Variants in TBC1D1 observed in about 807,000 individuals in gnomAD.
The protein encoded by TBC1D1 is TBC1 domain family member 1.
In TBC1D1, 89 loss-of-function variants were observed where a neutral mutation model predicts 125.6. The ratio of observed to expected loss-of-function variants is 0.71; its 90% CI spans 0.60 to 0.85. The LOEUF is 0.85. Ranked by LOEUF, TBC1D1 falls within the 40% of genes least tolerant of loss-of-function variation. The pLI is 0.00. For missense variants in TBC1D1, 1,377 were observed against 1,469.2 expected, an observed-to-expected ratio of 0.94 and a Z score of 1.03; for synonymous variants, 565 against 564.1, an observed-to-expected ratio of 1.00 and a Z score of -0.02.
At position 38,133,100 on chromosome 4, in the gene TBC1D1, T is replaced by A. The variant is rs1353501227; in HGVS notation, c.3149T>A (p.Ile1050Asn). ...CTATAACAGGTATTTGAAATGGACA[T>A]CGCTAAACAGTTACAAGCTTATGAA... Residue 1050 changes from isoleucine to asparagine, a missense_variant, in exon 19 of 20, where the codon ATC (isoleucine) becomes AAC (asparagine). Transcript: ENST00000261439. 6.2e-7 allele frequency: 1 copy of A among 1,613,322 alleles called. No homozygotes were observed. The highest frequency in any genetic ancestry group is 8.5e-7 in the Non-Finnish European group (1 of 1,179,760).
In TBC1D1 at chr4:37,902,191, T is replaced by A; in HGVS notation, c.96T>A (p.His32Gln). The A allele has an allele frequency of 6.2e-7, 1 of 1,614,068 alleles. No homozygotes were observed. Among genetic ancestry groups the A allele is most frequent in the South Asian group, 1.1e-5 (1 of 91,066 alleles). Reference sequence around the variant, plus strand: ...AGCTGGTGGGCTCCCTGCCTGTGCATTCCCTGACCACCATGCCCATGCTGC... The same window carrying A: ...AGCTGGTGGGCTCCCTGCCTGTGCAATCCCTGACCACCATGCCCATGCTGC... The change falls in exon 2 of 20, where the codon CAT becomes CAA. Residue 32 changes from histidine to glutamine, a missense_variant. Coordinates refer to ENST00000261439, the MANE Select transcript of TBC1D1 (RefSeq NM_015173.4).
At chr4:38,060,306 C>T (rs886957778) in intron 12 of TBC1D1, among the ~76,000 whole-genome samples, 3 of 152,190 alleles carry the variant, frequency 2.0e-5, no homozygotes, top group Non-Finnish European at 4.4e-5. Context: ...GCCACACCAT[C>T]TTCTACAATG....
At chr4:38,082,609 A>G (rs1040315240) in intron 12 of TBC1D1, among the ~76,000 whole-genome samples, 1 of 152,104 alleles carries the variant, frequency 6.6e-6, no homozygotes, top group Non-Finnish European at 1.5e-5. Context: ...ATTTTCTCCC[A>G]TGCGTTATCT....
intron 2 of TBC1D1, among the ~76,000 whole-genome samples, chr4:37,919,667 T>G (rs1171667893): frequency 6.6e-6 from 1 of 152,222 alleles, no homozygotes; most frequent in Non-Finnish European, 1.5e-5. Context: ...TTTAGATATA[T>G]GAGCTTCCTC....
intron 2 of TBC1D1, among the ~76,000 whole-genome samples, chr4:37,904,097 T>C (rs142902343): frequency 7.6e-4 from 115 of 152,316 alleles, no homozygotes; most frequent in African/African-American, 2.5e-3. Flanking sequence ...TTCTTATCTG[T>C]TAAATGGGGA....
intron 2 of TBC1D1, among the ~76,000 whole-genome samples, chr4:37,911,498 T>C (rs1718630018): frequency 6.6e-6 from 1 of 151,630 alleles, no homozygotes; most frequent in Non-Finnish European, 1.5e-5. Context: ...GGGAAAGAGG[T>C]GGACTTGAGT....
At chr4:38,086,914 ACT>A (rs1757575896) in intron 12 of TBC1D1, among the ~76,000 whole-genome samples, 1 of 151,824 alleles carries the variant, frequency 6.6e-6, no homozygotes, top group African/African-American at 2.4e-5. Context: ...CACGGGGTAA[ACT>A]CTTCTTTTTT....
At chr4:38,085,284 T>A (rs1473247046) in intron 12 of TBC1D1, among the ~76,000 whole-genome samples, 2 of 152,188 alleles carry the variant, frequency 1.3e-5, no homozygotes, top group African/African-American at 2.4e-5. Context: ...GTTTTAAAAT[T>A]CTTAGAACCC....
intron 8 of TBC1D1, among the ~76,000 whole-genome samples, chr4:38,041,614 C>G (rs1013650053): frequency 8.5e-5 from 13 of 152,132 alleles, no homozygotes; most frequent in Admixed American, 5.2e-4. Flanking sequence ...TATTTGCACT[C>G]TGACTAAAGT....
intron 2 of TBC1D1, among the ~76,000 whole-genome samples, chr4:37,999,449 G>C (rs1470567357): frequency 1.3e-5 from 2 of 152,172 alleles, no homozygotes; most frequent in Non-Finnish European, 2.9e-5. Flanking sequence ...ATTAAAGTGT[G>C]TGTGTTAAGC....
chr4:38,115,921 G>C lies in TBC1D1; in HGVS notation c.2769G>C (p.Arg923=). The change falls in exon 16 of 20, where the codon CGG becomes CGC. Residue 923 remains arginine (R), a synonymous_variant. Transcript: ENST00000261439. The stretch of plus-strand genomic sequence containing the variant: ...TTCTGATGTTTGACATGGGGCTGCG[G>C]AAACAGTATCGGCCAGACATGATTA... The C allele has an allele frequency of 6.2e-7, 1 of 1,614,230 alleles. No homozygotes were observed. Among genetic ancestry groups the C allele is most frequent in the Non-Finnish European group, 8.5e-7 (1 of 1,180,026 alleles).
At chr4:37,933,433 TACACAC>T (rs3038289) in intron 2 of TBC1D1, among the ~76,000 whole-genome samples, 30,851 of 147,138 alleles carry the variant, frequency 0.21, 3,509 homozygotes, top group East Asian at 0.44. Flanking sequence ...ACATATGTTT[TACACAC>T]ACACACACAC....
rs572888035 is a variant in TBC1D1 at position 38,078,084 on chromosome 4, T to C, written c.2051-11848T>C. Among the ~76,000 whole-genome samples, 302 of 152,234 alleles carry C rather than the reference T, an allele frequency of 2.0e-3. 1 individual carries two copies. The Middle Eastern group carries it at 0.027, about 14-fold the overall frequency. ...GGTGCCGCACAGCAGCACAGGTCGG[T>C]GGCCACGTTAATGACATAGAAAGCA... On this transcript the variant is annotated intron_variant, in intron 12 of 19. Transcript: ENST00000261439.
intron 2 of TBC1D1, among the ~76,000 whole-genome samples, chr4:37,918,348 A>C (rs1433252355): frequency 6.6e-5 from 10 of 152,198 alleles, no homozygotes. Context: ...AAGAAAATAA[A>C]ATTATGCTAA....
intron 1 of TBC1D1, among the ~76,000 whole-genome samples, chr4:37,894,404 G>GA (rs1340065919): frequency 7.9e-5 from 12 of 152,280 alleles, no homozygotes; most frequent in African/African-American, 2.6e-4. Flanking sequence ...TGGGCCAACT[G>GA]AAAAACTCTT....
intron 6 of TBC1D1, 110 bp from the exon 7 acceptor site, chr4:38,027,678 A>G (rs138011973): frequency 3.6e-6 from 2 of 560,966 alleles, no homozygotes; most frequent in East Asian, 3.1e-5. Context: ...AAAACCTTGG[A>G]AGTCTGAAGT....
chr4:38,106,600 C>T (rs11930484), intron 15 of TBC1D1, among the ~76,000 whole-genome samples: 3,244 of 152,248 alleles, frequency 0.021, 126 homozygotes, highest in African/African-American at 0.074. Flanking sequence ...CAGACAGCCC[C>T]GCTCCCCACA....
chr4:38,014,360 C>A lies in TBC1D1; in HGVS notation c.418-149C>A, dbSNP rs779029850. ...CCCATGGGAAGACATTCCTAGTCCC[C>A]TCCCGTGGGCTCCTCCTCCAGTGGG... On this transcript the variant is annotated intron_variant, in intron 2 of 19. Coordinates refer to ENST00000261439, the MANE Select transcript of TBC1D1 (RefSeq NM_015173.4). This position sits in a 1 kb window ranked among gnomAD's most constrained non-coding sequence, Gnocchi z 5.1. 5 of 673,412 alleles carry A rather than the reference C, an allele frequency of 7.4e-6. No individual in the cohort carries two copies. The East Asian group carries it at 1.4e-4, about 18-fold the overall frequency. 41.7% of individuals were successfully genotyped at this position (673,412 alleles called of 1,614,324 possible). A position where few individuals can be genotyped will look rare whatever the true frequency, so the allele number is the denominator to read the frequency against.
rs535909301 is a variant in TBC1D1 at position 37,906,322 on chromosome 4, A to G, written c.417+3810A>G. On this transcript the variant is annotated intron_variant, in intron 2 of 19. Coordinates refer to ENST00000261439, the MANE Select transcript of TBC1D1 (RefSeq NM_015173.4). ...ATGATCGTGCCTGGCTAATTTTTGT[A>G]TTTTTAGTAGAGACAGGGTTTCACC... Among the ~76,000 whole-genome samples the G allele has an allele frequency of 5.3e-5, 8 of 152,112 alleles. No individual in the cohort carries two copies. In the East Asian group the frequency reaches 1.5e-3, roughly 29 times the overall value.
Sources: allele counts gnomAD v4.1 joint callset (sites outside exome capture counted in the v4.1 genomes callset), GRCh38; gene constraint gnomAD v4.1.1; non-coding constraint Gnocchi (gnomAD v3.1); transcripts MANE v1.5; gene names NCBI Gene and HGNC (gene_info 2026-07-23, HGNC 2026-07-21).